Variants in B3GALT1 observed in about 807,000 individuals in gnomAD.
The protein encoded by B3GALT1 is beta-1,3-galactosyltransferase 1.
In B3GALT1, 10 loss-of-function variants were observed where a neutral mutation model predicts 23.2. The ratio of observed to expected loss-of-function variants is 0.43; its 90% CI spans 0.27 to 0.73. The LOEUF (loss-of-function observed/expected upper bound fraction) is 0.73. B3GALT1 is among the 30% of genes least tolerant of loss of function. The pLI is 0.21. For synonymous variants in B3GALT1, 156 were observed against 141.5 expected (o/e 1.10, Z -0.73); for missense variants, 299 against 405.4 (o/e 0.74, Z 2.25).
chr2:167,668,891 G>T (rs1170479054), intron 3 of B3GALT1, among the ~76,000 whole-genome samples: 1 of 152,196 alleles, frequency 6.6e-6, no homozygotes, highest in Admixed American at 6.5e-5. Flanking sequence ...AGATGGAAAT[G>T]CAGAGATCAC....
At chr2:167,664,268 T>G (rs990891691) in intron 3 of B3GALT1, among the ~76,000 whole-genome samples, 18 of 151,346 alleles carry the variant, frequency 1.2e-4, no homozygotes, top group Non-Finnish European at 2.4e-4. Flanking sequence ...GATCAGATAG[T>G]TGTAGATGTG....
intron 4 of B3GALT1, among the ~76,000 whole-genome samples, chr2:167,836,718 ATAAT>A (rs1358663049): frequency 6.6e-6 from 1 of 152,198 alleles, no homozygotes; most frequent in Non-Finnish European, 1.5e-5. Flanking sequence ...TCCAAGACAC[ATAAT>A]TGTCAGATTC....
At chr2:167,653,200 T>C (rs1004065453) in intron 3 of B3GALT1, among the ~76,000 whole-genome samples, 1 of 152,210 alleles carries the variant, frequency 6.6e-6, no homozygotes, top group African/African-American at 2.4e-5. Flanking sequence ...TGTGTGGCAG[T>C]TGTTGATTTA....
chr2:167,496,317 T>A (rs943641443), intron 2 of B3GALT1, among the ~76,000 whole-genome samples: 19 of 152,164 alleles, frequency 1.2e-4, no homozygotes, highest in Admixed American at 7.2e-4. Flanking sequence ...AATTTTGACT[T>A]GGCCTTACAG....
intron 3 of B3GALT1, among the ~76,000 whole-genome samples, chr2:167,734,101 A>C (rs1687454964): frequency 6.6e-6 from 1 of 152,200 alleles, no homozygotes; most frequent in African/African-American, 2.4e-5. Context: ...CAGGCAGGAC[A>C]TGGAATTAAC....
chr2:167,408,668 A>G lies in B3GALT1; in HGVS notation c.-510-81509A>G, dbSNP rs184008129. The stretch of plus-strand genomic sequence containing the variant: ...ACAGGATACAAAATTAACATACAAA[A>G]ATCAGTAACACTTATATATGGCCAA... On this transcript the variant is annotated intron_variant, in intron 1 of 4. Transcript: ENST00000392690. 3.0e-3 allele frequency among the ~76,000 whole-genome samples: 462 copies of G among 152,262 alleles called. 3 individuals are homozygous for G. Among genetic ancestry groups the G allele is most frequent in the African/African-American group, 0.01 (420 of 41,554 alleles).
chr2:167,564,351 C>T (rs947621526), intron 2 of B3GALT1, among the ~76,000 whole-genome samples: 29 of 150,584 alleles, frequency 1.9e-4, no homozygotes, highest in African/African-American at 3.4e-4. Flanking sequence ...GGACGGCGGC[C>T]GGGCAGAGAC....
chr2:167,559,540 G>C (rs1390717049), intron 2 of B3GALT1, among the ~76,000 whole-genome samples: 1 of 152,120 alleles, frequency 6.6e-6, no homozygotes, highest in Non-Finnish European at 1.5e-5. Context: ...CCAAAGCAAA[G>C]AAGTTGAAAA....
chr2:167,844,472 C>T (rs1689714244), intron 4 of B3GALT1, among the ~76,000 whole-genome samples: 1 of 152,248 alleles, frequency 6.6e-6, no homozygotes, highest in Non-Finnish European at 1.5e-5. Context: ...CCCAAACACA[C>T]ACCCCTACTG....
Position 167,813,004 on chromosome 2 carries a change from C to CCA in B3GALT1, c.-351-5663_-351-5662dup, listed in dbSNP as rs1553490200. 3.3e-4 allele frequency among the ~76,000 whole-genome samples: 48 copies of CCA among 143,914 alleles called. 1 individual carries two copies. Among genetic ancestry groups the CCA allele is most frequent in the African/African-American group, 4.5e-4 (17 of 37,384 alleles). 94.4% of individuals were successfully genotyped at this position (143,914 alleles called of 152,430 possible). On this transcript the variant is annotated intron_variant, in intron 3 of 4. Coordinates refer to ENST00000392690, the MANE Select transcript of B3GALT1 (RefSeq NM_020981.4). ...GCACCACCACCACCCCCACCCCCCC[C>CCA]CACACAGTTCAGGGTCCCTCTGTTT...
intron 1 of B3GALT1, among the ~76,000 whole-genome samples, chr2:167,345,723 C>T (rs936653817): frequency 3.3e-5 from 5 of 152,140 alleles, no homozygotes; most frequent in East Asian, 1.9e-4. Flanking sequence ...TCTTAGTCAA[C>T]TAGTAGAGAC....
rs151012518 is a variant in B3GALT1 at position 167,655,367 on chromosome 2, A to G, written c.-352+8401A>G. ...GTGAGAATTCAAGAGTTCAGAAGAA[A>G]AGTAAAACTGAAGAAAGATCCTGAG... On this transcript the variant is annotated intron_variant, in intron 3 of 4. Coordinates refer to ENST00000392690, the MANE Select transcript of B3GALT1 (RefSeq NM_020981.4). Among the ~76,000 whole-genome samples the G allele has an allele frequency of 9.5e-3, 1,451 of 152,302 alleles. 29 individuals are homozygous for G. Among genetic ancestry groups the G allele is most frequent in the African/African-American group, 0.033 (1,367 of 41,562 alleles).
intron 1 of B3GALT1, among the ~76,000 whole-genome samples, chr2:167,413,199 G>A (rs1293573482): frequency 3.3e-5 from 5 of 151,906 alleles, no homozygotes; most frequent in African/African-American, 9.7e-5. Flanking sequence ...AGAGAGATGG[G>A]GGGATAGAAA....
chr2:167,791,284 G>A (rs1401369711), intron 3 of B3GALT1, among the ~76,000 whole-genome samples: 1 of 152,074 alleles, frequency 6.6e-6, no homozygotes, highest in Non-Finnish European at 1.5e-5. Flanking sequence ...AGACTATCTT[G>A]CCTGGCTTTG....
At chr2:167,347,830 T>C (rs1697248861) in intron 1 of B3GALT1, among the ~76,000 whole-genome samples, 1 of 152,218 alleles carries the variant, frequency 6.6e-6, no homozygotes, top group African/African-American at 2.4e-5. Context: ...AACAATTCAC[T>C]TACTTTTTAA....
At chr2:167,717,504 A>G (rs1239799248) in intron 3 of B3GALT1, among the ~76,000 whole-genome samples, 1 of 151,896 alleles carries the variant, frequency 6.6e-6, no homozygotes, top group African/African-American at 2.4e-5. Context: ...TAACTTTTCA[A>G]CTTACTTATT....
At chr2:167,606,084 T>C in intron 2 of B3GALT1, among the ~76,000 whole-genome samples, 1 of 152,210 alleles carries the variant, frequency 6.6e-6, no homozygotes, top group East Asian at 1.9e-4. Context: ...GCTAAGTTGA[T>C]TAAATTGTTT....
chr2:167,550,921 G>C (rs1683732634), intron 2 of B3GALT1, among the ~76,000 whole-genome samples: 2 of 152,134 alleles, frequency 1.3e-5, no homozygotes, highest in South Asian at 4.1e-4. Context: ...GTCCAGGGAG[G>C]GTTGGCATGG....
intron 1 of B3GALT1, among the ~76,000 whole-genome samples, chr2:167,450,983 G>T (rs1699081221): frequency 6.6e-6 from 1 of 151,828 alleles, no homozygotes. Context: ...GTTCAGTTCT[G>T]TTAATGAGAC....
Sources: gnomAD v4.1 joint callset for allele counts (sites outside exome capture counted in the v4.1 genomes callset) on GRCh38, gnomAD v4.1.1 for gene constraint, MANE v1.5 for transcripts, NCBI Gene and HGNC (gene_info 2026-07-23, HGNC 2026-07-21) for gene names.